SSBP2: variants seen among roughly 807,000 people sequenced by gnomAD.
SSBP2 encodes the protein single stranded DNA binding protein 2.
Under a neutral mutation model 61.8 loss-of-function variants are expected in SSBP2, and 17 were observed. That is an observed-to-expected ratio of 0.28 (90% CI 0.19 to 0.41). The LOEUF is 0.41. Ranked by LOEUF, SSBP2 falls within the 10% of genes least tolerant of loss-of-function variation. The probability of loss-of-function intolerance (pLI) is 1.00; values close to 1 mark genes in which losing one functional copy is unlikely to be tolerated. For synonymous variants in SSBP2, 139 were observed against 141.3 expected, an observed-to-expected ratio of 0.98 and a Z score of 0.12; for missense variants, 310 against 458.7, an observed-to-expected ratio of 0.68 and a Z score of 2.96.
intron 4 of SSBP2, among the ~76,000 whole-genome samples, chr5:81,600,060 T>G (rs980647476): frequency 2.0e-5 from 3 of 152,206 alleles, no homozygotes; most frequent in Non-Finnish European, 2.9e-5. Flanking sequence ...AAATGTTATT[T>G]TTTTAATTAA....
chr5:81,751,256 A>C (rs1199617859), upstream of SSBP2: 2 of 580,416 alleles, frequency 3.4e-6, no homozygotes, highest in Non-Finnish European at 3.1e-6. Context: ...GCTAAGCCTC[A>C]GCGGCAGTCT....
chr5:81,508,577 A>C (rs1307476176), intron 5 of SSBP2, among the ~76,000 whole-genome samples: 1 of 152,218 alleles, frequency 6.6e-6, no homozygotes, highest in East Asian at 1.9e-4. Context: ...ACTGCCTTCC[A>C]GAATGGATTT....
chr5:81,464,036 TG>T (rs1301924492), intron 9 of SSBP2, among the ~76,000 whole-genome samples: 1 of 152,172 alleles, frequency 6.6e-6, no homozygotes, highest in Non-Finnish European at 1.5e-5. Context: ...CCCAAAGTGC[TG>T]GGATTACAGG....
intron 4 of SSBP2, among the ~76,000 whole-genome samples, chr5:81,533,172 T>C (rs900901589): frequency 2.0e-5 from 3 of 151,922 alleles, no homozygotes; most frequent in Admixed American, 2.0e-4. Flanking sequence ...AAAGACAATA[T>C]ATACAAAGTA....
chr5:81,494,632 C>A (rs962710744), intron 5 of SSBP2, among the ~76,000 whole-genome samples: 2 of 152,128 alleles, frequency 1.3e-5, no homozygotes, highest in African/African-American at 4.8e-5. Flanking sequence ...TTGGCTGGCA[C>A]CTTGATCTTG....
chr5:81,479,749 T>C (rs1765847472), intron 6 of SSBP2, among the ~76,000 whole-genome samples: 1 of 152,216 alleles, frequency 6.6e-6, no homozygotes, highest in African/African-American at 2.4e-5. Flanking sequence ...TTTCTTTCAA[T>C]GTTTAAACAA....
chr5:81,486,606 A>T (rs932776542), intron 6 of SSBP2, among the ~76,000 whole-genome samples: 21 of 152,334 alleles, frequency 1.4e-4, no homozygotes, highest in Admixed American at 1.3e-3. Flanking sequence ...GCCTCCAATA[A>T]GAGATGCACA....
chr5:81,615,486 G>A lies in SSBP2; in HGVS notation c.269C>T (p.Ala90Val), dbSNP rs1581172687. The change falls in exon 4 of 17, where the codon GCC (alanine) becomes GTC (valine). Residue 90 changes from alanine to valine, a missense_variant. Around this residue, in one of 4 missense-constraint regions of SSBP2, gnomAD observed 209 missense variants for 286.4 expected, o/e 0.73. Coordinates refer to ENST00000320672, the MANE Select transcript of SSBP2 (RefSeq NM_012446.5). ...ATGTTAACTTACGTAATCATGGAAG[G>A]CTTTTGCTTCACTTGAGTGTTCACA... is the stretch of plus-strand genomic sequence containing the variant. 1 of 1,612,962 alleles carries A rather than the reference G, an allele frequency of 6.2e-7. No individual in the cohort carries two copies. The highest frequency in any genetic ancestry group is 1.3e-5 in the African/African-American group (1 of 75,008).
At chr5:81,739,080 G>A (rs146835142) in intron 1 of SSBP2, among the ~76,000 whole-genome samples, 2,882 of 137,196 alleles carry the variant, frequency 0.021, 100 homozygotes, top group African/African-American at 0.074. Flanking sequence ...CAGGACAATC[G>A]CTTGAACCTG....
chr5:81,561,758 T>C (rs1773057978), intron 4 of SSBP2, among the ~76,000 whole-genome samples: 3 of 152,196 alleles, frequency 2.0e-5, no homozygotes, highest in Non-Finnish European at 4.4e-5. Context: ...TTGTATACTG[T>C]AAATGCCTCT....
intron 6 of SSBP2, among the ~76,000 whole-genome samples, chr5:81,481,132 T>C (rs1765953968): frequency 6.6e-6 from 1 of 152,186 alleles, no homozygotes. Context: ...CTCAGAGTCA[T>C]CCACAAGGGT....
intron 4 of SSBP2, among the ~76,000 whole-genome samples, chr5:81,523,840 A>G (rs1424112185): frequency 6.6e-6 from 1 of 152,062 alleles, no homozygotes; most frequent in Non-Finnish European, 1.5e-5. Context: ...ATAACCTTAA[A>G]GAGCATTTCG....
Position 81,621,821 on chromosome 5 carries a change from T to C in SSBP2, c.198-6264A>G, listed in dbSNP as rs1322479591. On this transcript the variant is annotated intron_variant, in intron 3 of 16. Coordinates refer to ENST00000320672, the MANE Select transcript of SSBP2 (RefSeq NM_012446.5). ...GTCCTTTGTAGGGACATGGATGAAA[T>C]TGGAAACCATCATTCTCAGTAAACT... is the stretch of plus-strand genomic sequence containing the variant. Among the ~76,000 whole-genome samples, 197 of 111,010 alleles carry C rather than the reference T, an allele frequency of 1.8e-3. 3 individuals are homozygous for C. The highest frequency in any genetic ancestry group is 2.9e-3 in the Non-Finnish European group (160 of 54,446). 72.8% of individuals were successfully genotyped at this position (111,010 alleles called of 152,430 possible).
intron 13 of SSBP2, among the ~76,000 whole-genome samples, chr5:81,441,517 TGCAGAATATTG>T (rs3838666): frequency 0.46 from 69,107 of 151,742 alleles, 19,292 homozygotes; most frequent in African/African-American, 0.8. Context: ...TGTTGTATGG[TGCAGAATATTG>T]GCAGAATATT....
intron 16 of SSBP2, among the ~76,000 whole-genome samples, chr5:81,421,072 G>A (rs1010722046): frequency 6.6e-6 from 1 of 151,860 alleles, no homozygotes; most frequent in Non-Finnish European, 1.5e-5. Flanking sequence ...ATACTGTAGG[G>A]AAACAAAACA....
intron 4 of SSBP2, among the ~76,000 whole-genome samples, chr5:81,595,735 A>G (rs1019115428): frequency 9.8e-5 from 15 of 152,360 alleles, no homozygotes; most frequent in African/African-American, 3.4e-4. Context: ...AACCAAAGAC[A>G]AAAACCACAT....
At chr5:81,472,620 C>T (rs772367348) in intron 8 of SSBP2, among the ~76,000 whole-genome samples, 9 of 151,598 alleles carry the variant, frequency 5.9e-5, no homozygotes, top group South Asian at 2.1e-4. Flanking sequence ...TTTTTTGAGA[C>T]GGAGTTTTTG....
Position 81,559,348 on chromosome 5 carries a change from T to C in SSBP2, c.283-45631A>G, listed in dbSNP as rs554140363. 1.0e-4 allele frequency among the ~76,000 whole-genome samples: 15 copies of C among 149,118 alleles called. No homozygotes were observed. The South Asian group carries it at 2.8e-3, about 27-fold the overall frequency. On this transcript the variant is annotated intron_variant, in intron 4 of 16. Transcript: ENST00000320672. The stretch of plus-strand genomic sequence containing the variant: ...GTTGCAGTGAGCCGAGACTGCGCCA[T>C]TGCACTCCAGCCTGGTTGACAGAGC...
Position 81,417,054 on chromosome 5 carries a change from G to A in SSBP2, c.*3450C>T, listed in dbSNP as rs1399548517. ...TTTTTGTATTTTTAGTAGAGATGGG[G>A]GGGTTTCACCAGGTTGGCCAGGCTG... is the stretch of plus-strand genomic sequence containing the variant. On this transcript the variant is annotated 3_prime_UTR_variant, in exon 17 of 17. Transcript: ENST00000320672. 2.6e-5 allele frequency: 4 copies of A among 152,126 alleles called. No individual in the cohort carries two copies. The highest frequency in any genetic ancestry group is 5.9e-5 in the Non-Finnish European group (4 of 68,064). 9.4% of individuals were successfully genotyped at this position (152,126 alleles called of 1,614,324 possible). A position where few individuals can be genotyped will look rare whatever the true frequency, so the allele number is the denominator to read the frequency against.
Sources: gnomAD v4.1 joint callset for allele counts (sites outside exome capture counted in the v4.1 genomes callset) on GRCh38, gnomAD v4.1.1 for gene constraint, gnomAD v4.1.1 regional missense constraint, MANE v1.5 for transcripts, NCBI Gene and HGNC (gene_info 2026-07-23, HGNC 2026-07-21) for gene names.